The following EFCAB11 variants were observed in gnomAD, a reference collection of about 807,000 sequenced individuals.
EFCAB11 encodes EF-hand calcium-binding domain-containing protein 11.
A neutral mutation model predicts 23.0 loss-of-function variants in EFCAB11; 14 were observed. The observed-to-expected ratio is 0.61, with a 90% CI of 0.40 to 0.95. The LOEUF is 0.95. Among genes scored for constraint, EFCAB11 ranks in the 40% least tolerant of loss-of-function variants. The probability of loss-of-function intolerance (pLI) is 0.00; values close to 1 mark genes in which losing one functional copy is unlikely to be tolerated. For synonymous variants in EFCAB11, 65 were observed against 66.6 expected (o/e 0.98, Z 0.11); for missense variants, 198 against 195.8 (o/e 1.01, Z -0.07).
chr14:89,850,363 C>T (rs907364661), intron 5 of EFCAB11, among the ~76,000 whole-genome samples: 7 of 152,184 alleles, frequency 4.6e-5, no homozygotes, highest in Non-Finnish European at 5.9e-5. Context: ...CTAGACTGTG[C>T]GACCCACAGT....
At chr14:89,847,770 A>G (rs1887481353) in intron 5 of EFCAB11, among the ~76,000 whole-genome samples, 1 of 151,466 alleles carries the variant, frequency 6.6e-6, no homozygotes, top group African/African-American at 2.4e-5. Context: ...GAAAGAAAGA[A>G]AGAAAGAAAA....
intron 5 of EFCAB11, among the ~76,000 whole-genome samples, chr14:89,916,115 T>C (rs1287990725): frequency 4.0e-5 from 6 of 148,344 alleles, no homozygotes; most frequent in Non-Finnish European, 6.0e-5. Flanking sequence ...GTCTAATTTT[T>C]CCCCCCAAAA....
Position 89,850,270 on chromosome 14 carries a change from T to C in EFCAB11, c.411-52946A>G, listed in dbSNP as rs377074986. On this transcript the variant is annotated intron_variant, in intron 5 of 5. Coordinates refer to ENST00000316738, the MANE Select transcript of EFCAB11 (RefSeq NM_145231.4). ...CACTGTGATACAGTATAATTAATATTAGCACACCATGGAGTATTAATATTA... is the reference window on the plus strand; with the variant it reads ...CACTGTGATACAGTATAATTAATATCAGCACACCATGGAGTATTAATATTA... Among the ~76,000 whole-genome samples the C allele has an allele frequency of 4.6e-4, 70 of 152,334 alleles. No individual in the cohort carries two copies. The South Asian group carries it at 0.013, about 28-fold the overall frequency.
intron 5 of EFCAB11, among the ~76,000 whole-genome samples, chr14:89,810,021 G>A (rs2140087632): frequency 6.6e-6 from 1 of 152,292 alleles, no homozygotes; most frequent in East Asian, 1.9e-4. Context: ...TATGGTGAAG[G>A]AACCCATGTT....
At chr14:89,905,261 TA>T (rs1406122519) in intron 5 of EFCAB11, among the ~76,000 whole-genome samples, 1 of 152,156 alleles carries the variant, frequency 6.6e-6, no homozygotes, top group Non-Finnish European at 1.5e-5. Context: ...ATAGTTACCA[TA>T]AAAATTCCTC....
chr14:89,906,009 T>C (rs1889484685), intron 5 of EFCAB11, among the ~76,000 whole-genome samples: 1 of 152,118 alleles, frequency 6.6e-6, no homozygotes, highest in African/African-American at 2.4e-5. Context: ...ACAAGCAATG[T>C]GAAACATTTT....
intron 5 of EFCAB11, among the ~76,000 whole-genome samples, chr14:89,921,668 TAGGC>T (rs1467725280): frequency 6.6e-6 from 1 of 152,088 alleles, no homozygotes; most frequent in Non-Finnish European, 1.5e-5. Flanking sequence ...GGGTAGGAGG[TAGGC>T]AGACAAGATG....
At chr14:89,825,728 A>G (rs1596385099) in intron 5 of EFCAB11, among the ~76,000 whole-genome samples, 1 of 152,160 alleles carries the variant, frequency 6.6e-6, no homozygotes, top group Non-Finnish European at 1.5e-5. Flanking sequence ...ATTCTTTTAC[A>G]TTTTATTTCT....
At chr14:89,939,976 A>T (rs1052065923) in intron 3 of EFCAB11, among the ~76,000 whole-genome samples, 1 of 152,138 alleles carries the variant, frequency 6.6e-6, no homozygotes, top group Admixed American at 6.5e-5. Context: ...TGACCTCGTG[A>T]TCCACCTTCC....
At position 89,873,386 on chromosome 14, in the gene EFCAB11, G is replaced by C. The variant is rs1464290365; in HGVS notation, c.410+58155C>G. Among the ~76,000 whole-genome samples the C allele has an allele frequency of 3.9e-5, 6 of 152,170 alleles. No individual in the cohort carries two copies. The South Asian group carries it at 1.2e-3, about 32-fold the overall frequency. On this transcript the variant is annotated intron_variant, in intron 5 of 5. Coordinates refer to ENST00000316738, the MANE Select transcript of EFCAB11 (RefSeq NM_145231.4). The stretch of plus-strand genomic sequence containing the variant: ...ACAATTCAAGATGAGATTTGGGTGG[G>C]GACACAGCCAAACCATATCATTCTG...
At chr14:89,919,512 G>T (rs1283353963) in intron 5 of EFCAB11, among the ~76,000 whole-genome samples, 1 of 152,172 alleles carries the variant, frequency 6.6e-6, no homozygotes, top group Non-Finnish European at 1.5e-5. Context: ...GGCACTGGGA[G>T]AAAGGAGGAG....
intron 5 of EFCAB11, among the ~76,000 whole-genome samples, chr14:89,919,448 T>A (rs1889956687): frequency 6.6e-6 from 1 of 152,140 alleles, no homozygotes; most frequent in African/African-American, 2.4e-5. Context: ...TCAACATTGA[T>A]TCTTGGGCTT....
intron 5 of EFCAB11, among the ~76,000 whole-genome samples, chr14:89,811,369 T>C (rs1290980809): frequency 6.6e-6 from 1 of 152,154 alleles, no homozygotes; most frequent in Non-Finnish European, 1.5e-5. Context: ...GTGCTTGATA[T>C]AAATTTTGGA....
At chr14:89,849,568 C>T (rs531279404) in intron 5 of EFCAB11, among the ~76,000 whole-genome samples, 5 of 148,734 alleles carry the variant, frequency 3.4e-5, no homozygotes, top group African/African-American at 9.9e-5. Context: ...CTGTAGCTTC[C>T]GTAATAAGTA....
intron 5 of EFCAB11, among the ~76,000 whole-genome samples, chr14:89,928,168 T>C (rs1371607864): frequency 6.6e-6 from 1 of 152,214 alleles, no homozygotes; most frequent in East Asian, 1.9e-4. Context: ...CTCACAACCC[T>C]AGGAAGTACA....
rs78497091 is a variant in EFCAB11 at position 89,916,454 on chromosome 14, C to T, written c.410+15087G>A. Among the ~76,000 whole-genome samples the T allele has an allele frequency of 2.1e-3, 324 of 152,256 alleles. 1 individual carries two copies. Among genetic ancestry groups the T allele is most frequent in the African/African-American group, 7.5e-3 (311 of 41,564 alleles). On this transcript the variant is annotated intron_variant, in intron 5 of 5. Transcript: ENST00000316738. The stretch of plus-strand genomic sequence containing the variant: ...TTTGTGATAATAGCAGTTTAAATCG[C>T]TATACAAATGTGTACTCAATTCATA...
chr14:89,924,397 A>G, intron 5 of EFCAB11: 1 of 1,214,162 alleles, frequency 8.2e-7, no homozygotes, highest in Admixed American at 4.2e-5. Context: ...ACGCTGGGTC[A>G]GGGCATGGAC....
chr14:89,803,083 A>G (rs1264795494), intron 5 of EFCAB11, among the ~76,000 whole-genome samples: 1 of 152,134 alleles, frequency 6.6e-6, no homozygotes, highest in Non-Finnish European at 1.5e-5. Flanking sequence ...CTCATGCCCA[A>G]TCGTGACAGC....
intron 5 of EFCAB11, among the ~76,000 whole-genome samples, chr14:89,916,682 C>A (rs551901489): frequency 6.6e-6 from 1 of 152,202 alleles, no homozygotes; most frequent in Admixed American, 6.5e-5. Context: ...CAAATACTCT[C>A]TCCTGCAAAC....
Sources: gnomAD v4.1 joint callset for allele counts (sites outside exome capture counted in the v4.1 genomes callset) on GRCh38, gnomAD v4.1.1 for gene constraint, MANE v1.5 for transcripts, NCBI Gene and HGNC (gene_info 2026-07-23, HGNC 2026-07-21) for gene names.